The following CDH18 variants were observed in gnomAD, a reference collection of about 807,000 sequenced individuals.
CDH18 encodes the protein cadherin-18.
Under a neutral mutation model 67.9 loss-of-function variants are expected in CDH18, and 31 were observed. The ratio of observed to expected loss-of-function variants is 0.46; its 90% CI spans 0.34 to 0.62. The LOEUF (loss-of-function observed/expected upper bound fraction) is 0.62. CDH18 is among the 20% of genes least tolerant of loss of function. The probability of loss-of-function intolerance (pLI) is 0.01; values close to 1 mark genes in which losing one functional copy is unlikely to be tolerated. For missense variants in CDH18, 890 were observed against 975.5 expected, an observed-to-expected ratio of 0.91 and a Z score of 1.17; for synonymous variants, 362 against 347.2, an observed-to-expected ratio of 1.04 and a Z score of -0.48.
At chr5:19,507,328 C>T (rs138878352) in intron 10 of CDH18, among the ~76,000 whole-genome samples, 1 of 151,928 alleles carries the variant, frequency 6.6e-6, no homozygotes, top group Admixed American at 6.6e-5. Context: ...TAGTTCAACC[C>T]TTGTGGAAGT....
intron 2 of CDH18, among the ~76,000 whole-genome samples, chr5:20,120,814 A>G (rs924074406): frequency 6.6e-6 from 1 of 152,186 alleles, no homozygotes; most frequent in Non-Finnish European, 1.5e-5. Context: ...CATTCCATAC[A>G]TTAGCAACAC....
chr5:19,904,080 G>A (rs1156490846), intron 2 of CDH18, among the ~76,000 whole-genome samples: 1 of 151,554 alleles, frequency 6.6e-6, no homozygotes, highest in Admixed American at 6.6e-5. Context: ...TCAAGGGCAG[G>A]TTGGCTAATA....
intron 2 of CDH18, among the ~76,000 whole-genome samples, chr5:20,094,203 T>G (rs1437104744): frequency 6.6e-6 from 1 of 152,206 alleles, no homozygotes; most frequent in Non-Finnish European, 1.5e-5. Flanking sequence ...ATTAAAGTGA[T>G]GTTCCTCCTG....
At chr5:20,302,660 G>C (rs1249218694) in intron 1 of CDH18, among the ~76,000 whole-genome samples, 4 of 152,078 alleles carry the variant, frequency 2.6e-5, no homozygotes, top group Admixed American at 1.3e-4. Flanking sequence ...TACACCTAAA[G>C]ACTGTAGTTT....
At chr5:20,244,772 T>C (rs751286059) in intron 2 of CDH18, among the ~76,000 whole-genome samples, 4 of 152,142 alleles carry the variant, frequency 2.6e-5, no homozygotes, top group Non-Finnish European at 4.4e-5. Flanking sequence ...TGTTGTTGCT[T>C]GTAATGTCTT....
At chr5:19,833,702 C>T (rs995716713) in intron 3 of CDH18, among the ~76,000 whole-genome samples, 2 of 152,010 alleles carry the variant, frequency 1.3e-5, no homozygotes, top group Non-Finnish European at 2.9e-5. Context: ...TCCATCAATA[C>T]CTAGTTTATT....
chr5:19,543,745 T>C (rs531636508), intron 9 of CDH18, 124 bp downstream of exon 9: 4 of 582,084 alleles, frequency 6.9e-6, no homozygotes, highest in Middle Eastern at 5.1e-4. Flanking sequence ...TCTAATACAC[T>C]CCGCTTACTC....
At chr5:20,029,573 G>A (rs1739207157) in intron 2 of CDH18, among the ~76,000 whole-genome samples, 1 of 152,174 alleles carries the variant, frequency 6.6e-6, no homozygotes, top group Admixed American at 6.5e-5. Context: ...AAACAAGGAT[G>A]TTTCCATAAG....
At chr5:20,305,256 T>G (rs1376742899) in intron 1 of CDH18, 7 of 1,390,866 alleles carry the variant, frequency 5.0e-6, no homozygotes, top group Non-Finnish European at 7.2e-6. Context: ...CTCCAGAAGG[T>G]ACCACTAAAC....
chr5:20,563,840 T>A (rs186764946), intron 1 of CDH18, among the ~76,000 whole-genome samples: 260 of 152,268 alleles, frequency 1.7e-3, no homozygotes, highest in Non-Finnish European at 2.2e-3. Flanking sequence ...CTTAAACTCA[T>A]ATTATTAGCC....
intron 1 of CDH18, among the ~76,000 whole-genome samples, chr5:20,544,977 T>C (rs1015283792): frequency 2.0e-5 from 3 of 152,164 alleles, no homozygotes; most frequent in African/African-American, 7.2e-5. Context: ...ACAATGGTGG[T>C]AAAGGCATTG....
chr5:19,607,877 T>G (rs1453651876), intron 6 of CDH18, among the ~76,000 whole-genome samples: 1 of 151,450 alleles, frequency 6.6e-6, no homozygotes, highest in Non-Finnish European at 1.5e-5. Context: ...AGGAGACAAA[T>G]TAGACTTTAA....
intron 2 of CDH18, among the ~76,000 whole-genome samples, chr5:19,948,584 A>C (rs1426264959): frequency 6.6e-6 from 1 of 152,178 alleles, no homozygotes; most frequent in East Asian, 1.9e-4. Context: ...GCAGTTCTGC[A>C]TCTTGATTGT....
chr5:19,844,740 C>T (rs1264648847), intron 2 of CDH18, among the ~76,000 whole-genome samples: 3 of 152,144 alleles, frequency 2.0e-5, no homozygotes, highest in Non-Finnish European at 4.4e-5. Flanking sequence ...TGATGGTGAG[C>T]TCTGCAGATA....
intron 2 of CDH18, among the ~76,000 whole-genome samples, chr5:19,956,800 G>A (rs888320874): frequency 6.6e-6 from 1 of 151,584 alleles, no homozygotes; most frequent in Non-Finnish European, 1.5e-5. Flanking sequence ...TCTCCTGCAC[G>A]ATCACTGTAT....
intron 8 of CDH18, among the ~76,000 whole-genome samples, chr5:19,548,323 G>A (rs1024668938): frequency 6.6e-6 from 1 of 151,612 alleles, no homozygotes; most frequent in Admixed American, 6.6e-5. Context: ...AAAAATTCTA[G>A]GTTACAGCTA....
intron 1 of CDH18, among the ~76,000 whole-genome samples, chr5:20,398,479 C>A (rs982359752): frequency 6.6e-6 from 1 of 152,018 alleles, no homozygotes; most frequent in African/African-American, 2.4e-5. Context: ...GAGAACATAA[C>A]CAAGGGCTTC....
chr5:20,213,895 A>T (rs922144579), intron 2 of CDH18, among the ~76,000 whole-genome samples: 1 of 152,044 alleles, frequency 6.6e-6, no homozygotes. Flanking sequence ...TTTAGTTCTG[A>T]AAGAGCACTG....
intron 1 of CDH18, among the ~76,000 whole-genome samples, chr5:20,515,089 A>C (rs1755277816): frequency 6.6e-6 from 1 of 152,118 alleles, no homozygotes; most frequent in African/African-American, 2.4e-5. Context: ...TGTATCTCAC[A>C]TATTGTGACA....
Sources: gnomAD v4.1 joint callset for allele counts (sites outside exome capture counted in the v4.1 genomes callset) on GRCh38, gnomAD v4.1.1 for gene constraint, MANE v1.5 for transcripts, NCBI Gene and HGNC (gene_info 2026-07-23, HGNC 2026-07-21) for gene names.